Variants in MARK1 observed in about 807,000 individuals in gnomAD.
The protein encoded by MARK1 is serine/threonine-protein kinase MARK1.
MARK1 carries 40 observed loss-of-function variants against 96.3 expected under a neutral mutation model. The ratio of observed to expected loss-of-function variants is 0.42; its 90% CI spans 0.32 to 0.54. The LOEUF (loss-of-function observed/expected upper bound fraction) is 0.54. Ranked by LOEUF, MARK1 falls within the 20% of genes least tolerant of loss-of-function variation. MARK1 has a pLI of 0.16. For synonymous variants in MARK1, 317 were observed against 341.2 expected (o/e 0.93, Z 0.78); for missense variants, 719 against 984.6 (o/e 0.73, Z 3.61).
intron 6 of MARK1, among the ~76,000 whole-genome samples, chr1:220,610,261 T>C (rs1422234616): frequency 6.6e-6 from 1 of 152,212 alleles, no homozygotes; most frequent in African/African-American, 2.4e-5. Context: ...TCTACTCTTT[T>C]TTCTCTAACC....
At chr1:220,629,387 A>G (rs910014552) in intron 9 of MARK1, among the ~76,000 whole-genome samples, 38 of 151,840 alleles carry the variant, frequency 2.5e-4, no homozygotes, top group African/African-American at 8.7e-4. Context: ...TGGTGGTAAA[A>G]AACACGTAAC....
chr1:220,537,962 A>G (rs1307445271), intron 1 of MARK1, among the ~76,000 whole-genome samples: 1 of 151,866 alleles, frequency 6.6e-6, no homozygotes, highest in Non-Finnish European at 1.5e-5. Context: ...AATTTGTTTG[A>G]GTTCATTGAA....
intron 3 of MARK1, among the ~76,000 whole-genome samples, chr1:220,590,226 C>T (rs1214813393): frequency 2.0e-5 from 3 of 152,148 alleles, no homozygotes; most frequent in Admixed American, 6.6e-5. Flanking sequence ...TAGACATTTG[C>T]TTAAGATGTG....
rs555374069 is a variant in MARK1 at position 220,601,227 on chromosome 1, T to TA, written c.424+1370dup. Among the ~76,000 whole-genome samples, 264 of 151,944 alleles carry TA rather than the reference T, an allele frequency of 1.7e-3. 1 individual carries two copies. The highest frequency in any genetic ancestry group is 6.0e-3 in the African/African-American group (248 of 41,502). On this transcript the variant is annotated intron_variant, in intron 5 of 17. Transcript: ENST00000366917. ...GCCACCGCGCCTGGCCTCATATTTC[T>TA]AAAAAACTACTATAGATGTTAATAT...
At chr1:220,586,011 A>ACACACACACACGCACG (rs112968910) in intron 3 of MARK1, among the ~76,000 whole-genome samples, 1 of 148,536 alleles carries the variant, frequency 6.7e-6, no homozygotes, top group African/African-American at 2.6e-5. Context: ...ACACACACAC[A>ACACACACACACGCACG]CGCGCGCGTG....
chr1:220,582,300 G>A (rs1450081214), intron 3 of MARK1, among the ~76,000 whole-genome samples: 1 of 152,122 alleles, frequency 6.6e-6, no homozygotes, highest in Admixed American at 6.5e-5. Flanking sequence ...TGTATTATGG[G>A]TCTCTTCTTG....
At position 220,618,693 on chromosome 1, in the gene MARK1, G is replaced by C; in HGVS notation, c.847G>C (p.Asp283His). The C allele has an allele frequency of 1.9e-6, 3 of 1,612,876 alleles. No individual in the cohort carries two copies. Among genetic ancestry groups the C allele is most frequent in the Non-Finnish European group, 2.5e-6 (3 of 1,179,390 alleles). ...KYRIPFYMST[D>H]CENLLKKLLV... ...CCGTATTCCCTTCTATATGTCCACA[G>C]ACTGTGAAAATCTTCTGAAGAAATT... The change falls in exon 9 of 18, where the codon GAC (aspartate) becomes CAC (histidine). Residue 283 changes from aspartate (D) to histidine (H), a missense_variant. Coordinates refer to ENST00000366917, the MANE Select transcript of MARK1 (RefSeq NM_018650.5). This position sits in a 1 kb window ranked among gnomAD's most constrained non-coding sequence, Gnocchi z 4.6.
chr1:220,547,375 T>C (rs1388374585), intron 1 of MARK1, among the ~76,000 whole-genome samples: 2 of 152,134 alleles, frequency 1.3e-5, no homozygotes, highest in East Asian at 3.9e-4. Context: ...ATAGAAAAGG[T>C]TGGAACCAGG....
intron 1 of MARK1, among the ~76,000 whole-genome samples, chr1:220,548,322 A>T (rs918294917): frequency 6.6e-6 from 1 of 152,258 alleles, no homozygotes; most frequent in Non-Finnish European, 1.5e-5. Context: ...TGATATGATT[A>T]TTAGCTTATA....
At chr1:220,551,754 GA>G (rs1661875359) in intron 1 of MARK1, among the ~76,000 whole-genome samples, 1 of 152,106 alleles carries the variant, frequency 6.6e-6, no homozygotes, top group Admixed American at 6.5e-5. Context: ...GCAAAATAAG[GA>G]AAAAATATTT....
chr1:220,613,609 T>C (rs951747882), intron 6 of MARK1, among the ~76,000 whole-genome samples: 2 of 152,186 alleles, frequency 1.3e-5, no homozygotes, highest in Non-Finnish European at 2.9e-5. Context: ...TCTTATAATA[T>C]GAACATACTA....
intron 5 of MARK1, among the ~76,000 whole-genome samples, chr1:220,601,441 A>G (rs1404148093): frequency 6.6e-6 from 1 of 152,156 alleles, no homozygotes; most frequent in East Asian, 1.9e-4. Flanking sequence ...AAATTTCCAT[A>G]AAATGTGGAT....
At chr1:220,661,237 G>T (rs146426807) in intron 17 of MARK1, among the ~76,000 whole-genome samples, 1 of 152,110 alleles carries the variant, frequency 6.6e-6, no homozygotes, top group Non-Finnish European at 1.5e-5. Context: ...CATGGGGAAC[G>T]TTGTAGACTG....
At position 220,609,369 on chromosome 1, in the gene MARK1, A is replaced by T. The variant is rs12089038; in HGVS notation, c.495+5232A>T. ...AAAGTTTGTTTTATCAGAGACTAGG[A>T]TTGCAACCCCTGCTTTTTTTTGTTT... On this transcript the variant is annotated intron_variant, in intron 6 of 17. Coordinates refer to ENST00000366917, the MANE Select transcript of MARK1 (RefSeq NM_018650.5). 4.5e-3 allele frequency among the ~76,000 whole-genome samples: 686 copies of T among 152,248 alleles called. 3 individuals carry two copies. The highest frequency in any genetic ancestry group is 0.016 in the African/African-American group (656 of 41,538).
intron 1 of MARK1, among the ~76,000 whole-genome samples, chr1:220,562,892 AT>A (rs574092500): frequency 1.2e-3 from 176 of 151,708 alleles, no homozygotes; most frequent in African/African-American, 4.0e-3. Flanking sequence ...ACTTTGTGGA[AT>A]TTTTTTTTCT....
At chr1:220,624,169 G>A (rs1667192106) in intron 9 of MARK1, among the ~76,000 whole-genome samples, 1 of 151,756 alleles carries the variant, frequency 6.6e-6, no homozygotes, top group African/African-American at 2.4e-5. Flanking sequence ...ATGGTGGCGA[G>A]CGCCTGTAAT....
intron 1 of MARK1, among the ~76,000 whole-genome samples, chr1:220,540,130 A>G (rs950115258): frequency 3.9e-5 from 6 of 152,208 alleles, no homozygotes; most frequent in Admixed American, 2.0e-4. Context: ...CCAGAGAAAC[A>G]AATCCAATAG....
At chr1:220,588,595 G>A (rs1166876221) in intron 3 of MARK1, among the ~76,000 whole-genome samples, 1 of 152,104 alleles carries the variant, frequency 6.6e-6, no homozygotes, top group African/African-American at 2.4e-5. Context: ...TTGTTATAGT[G>A]CTGCTAGCAA....
intron 1 of MARK1, among the ~76,000 whole-genome samples, chr1:220,556,485 C>CAGAA (rs1326514729): frequency 1.2e-5 from 1 of 85,822 alleles, no homozygotes; most frequent in African/African-American, 4.6e-5. Flanking sequence ...GGGACTGTCA[C>CAGAA]AAAAAAAAAA....
Sources: gnomAD v4.1 joint callset for allele counts (sites outside exome capture counted in the v4.1 genomes callset) on GRCh38, gnomAD v4.1.1 for gene constraint, Gnocchi (gnomAD v3.1) non-coding constraint, MANE v1.5 for transcripts, NCBI Gene and HGNC (gene_info 2026-07-23, HGNC 2026-07-21) for gene names.